Variants in GRM5 observed in about 807,000 individuals in gnomAD.
GRM5 encodes metabotropic glutamate receptor 5.
Under a neutral mutation model 83.1 loss-of-function variants are expected in GRM5, and 19 were observed. The observed-to-expected ratio is 0.23, with a 90% CI of 0.16 to 0.34. GRM5 has a LOEUF of 0.34. Ranked by LOEUF, GRM5 falls within the 10% of genes least tolerant of loss-of-function variation. GRM5 has a pLI of 1.00. For missense variants in GRM5, 1,160 were observed against 1,588.3 expected (o/e 0.73, Z 4.58); for synonymous variants, 675 against 633.6 (o/e 1.07, Z -0.98).
At chr11:88,594,683 T>C (rs1001196109) in intron 6 of GRM5, among the ~76,000 whole-genome samples, 2 of 152,222 alleles carry the variant, frequency 1.3e-5, no homozygotes, top group African/African-American at 2.4e-5. Context: ...TCTGGTCTTA[T>C]GCTTTCCAAA....
rs542822674 is a variant in GRM5 at position 88,772,718 on chromosome 11, C to T, written c.911+77188G>A. Among the ~76,000 whole-genome samples, 343 of 152,040 alleles carry T rather than the reference C, an allele frequency of 2.3e-3. 2 individuals carry two copies. The highest frequency in any genetic ancestry group is 7.9e-3 in the African/African-American group (327 of 41,476). On this transcript the variant is annotated intron_variant, in intron 3 of 9. Coordinates refer to ENST00000305447, the MANE Select transcript of GRM5 (RefSeq NM_001143831.3). ...TGCGGTGTTTGGTTTTCTGTCCGAG[C>T]GATAGTTTGCTGAGAATGATGGTTT... is the stretch of plus-strand genomic sequence containing the variant.
At chr11:88,511,150 C>T (rs1282368415) in intron 9 of GRM5, among the ~76,000 whole-genome samples, 1 of 152,202 alleles carries the variant, frequency 6.6e-6, no homozygotes, top group African/African-American at 2.4e-5. Flanking sequence ...CAAAGTAAAT[C>T]TGAAGCACTT....
intron 2 of GRM5, among the ~76,000 whole-genome samples, chr11:88,989,470 AG>A (rs1413482548): frequency 8.6e-6 from 1 of 116,212 alleles, no homozygotes; most frequent in African/African-American, 3.0e-5. Flanking sequence ...AAAGTCAACA[AG>A]GATACCCAGG....
intron 3 of GRM5, among the ~76,000 whole-genome samples, chr11:88,835,014 T>A (rs1219687163): frequency 6.6e-6 from 1 of 152,202 alleles, no homozygotes. Flanking sequence ...CTCTAAAATA[T>A]CTACAATGTG....
intron 3 of GRM5, among the ~76,000 whole-genome samples, chr11:88,710,502 C>T (rs1277239520): frequency 6.6e-6 from 1 of 152,044 alleles, no homozygotes; most frequent in Non-Finnish European, 1.5e-5. Context: ...AAGCAAGTCA[C>T]TTAAGTTACT....
In GRM5 at chr11:88,649,090, AAATATAT is replaced by A. The variant is rs1251509294; in HGVS notation, c.1147+4071_1147+4077del. Among the ~76,000 whole-genome samples, 3 of 144,638 alleles carry A rather than the reference AAATATAT, an allele frequency of 2.1e-5. No individual in the cohort carries two copies. In the East Asian group the frequency reaches 5.9e-4, roughly 29 times the overall value. The allele number at this position is 144,638 out of a possible 152,430, so 94.9% of individuals were successfully genotyped here. ...ATTATAATATATAATACATATATTA[AAATATAT>A]AATATATATTAAATATATATGTAAT... On this transcript the variant is annotated intron_variant, in intron 4 of 9. Coordinates refer to ENST00000305447, the MANE Select transcript of GRM5 (RefSeq NM_001143831.3).
At chr11:88,867,448 G>T (rs1043138641) in intron 2 of GRM5, among the ~76,000 whole-genome samples, 1 of 151,678 alleles carries the variant, frequency 6.6e-6, no homozygotes, top group Non-Finnish European at 1.5e-5. Context: ...TTCAGTTTTA[G>T]GATGTTTTAT....
intron 3 of GRM5, among the ~76,000 whole-genome samples, chr11:88,803,296 C>A (rs12276337): frequency 0.12 from 17,835 of 151,408 alleles, 2,192 homozygotes; most frequent in African/African-American, 0.32. Flanking sequence ...TACTACAAGG[C>A]TACAGTAACC....
intron 1 of GRM5, among the ~76,000 whole-genome samples, chr11:89,064,633 G>C (rs1476468191): frequency 6.6e-6 from 1 of 151,980 alleles, no homozygotes; most frequent in Non-Finnish European, 1.5e-5. Context: ...AAATGCAGAA[G>C]ATCCTCTACA....
chr11:88,629,486 G>A (rs963068159), intron 4 of GRM5, among the ~76,000 whole-genome samples: 15 of 152,134 alleles, frequency 9.9e-5, no homozygotes, highest in Non-Finnish European at 1.9e-4. Flanking sequence ...CCCCTCCAGA[G>A]GTAGAGGGTT....
Position 88,621,386 on chromosome 11 carries a change from C to T in GRM5, c.1148-16422G>A, listed in dbSNP as rs902763635. 5.3e-5 allele frequency among the ~76,000 whole-genome samples: 8 copies of T among 152,196 alleles called. No individual in the cohort carries two copies. In the East Asian group the frequency reaches 7.7e-4, roughly 15 times the overall value. On this transcript the variant is annotated intron_variant, in intron 4 of 9. Coordinates refer to ENST00000305447, the MANE Select transcript of GRM5 (RefSeq NM_001143831.3). ...AAAACACAATCTAGTGGTCACTCTA[C>T]GATGAATCCTTGATAGCCTTTCCCA...
At chr11:88,755,355 C>A (rs1442152518) in intron 3 of GRM5, among the ~76,000 whole-genome samples, 2 of 151,930 alleles carry the variant, frequency 1.3e-5, no homozygotes. Context: ...ATGAACTTGA[C>A]CAAATTAATT....
chr11:88,638,616 G>A (rs1939205367), intron 4 of GRM5, among the ~76,000 whole-genome samples: 2 of 151,984 alleles, frequency 1.3e-5, no homozygotes, highest in African/African-American at 4.8e-5. Flanking sequence ...ATCTGGGCCT[G>A]GAGTTTTCTT....
At chr11:88,560,793 C>T (rs1026362841) in intron 8 of GRM5, among the ~76,000 whole-genome samples, 1 of 152,144 alleles carries the variant, frequency 6.6e-6, no homozygotes, top group East Asian at 1.9e-4. Context: ...GAAAATGTTA[C>T]ATATGTACAC....
chr11:88,768,984 C>G (rs1452238242), intron 3 of GRM5, among the ~76,000 whole-genome samples: 1 of 151,980 alleles, frequency 6.6e-6, no homozygotes, highest in Non-Finnish European at 1.5e-5. Flanking sequence ...ATAGCCTCAC[C>G]AAGGAGTTGC....
intron 8 of GRM5, among the ~76,000 whole-genome samples, chr11:88,554,560 T>C (rs1294486240): frequency 2.0e-5 from 3 of 152,170 alleles, no homozygotes; most frequent in Non-Finnish European, 4.4e-5. Flanking sequence ...TAGCTTTTGT[T>C]TTTACAGCAA....
intron 3 of GRM5, among the ~76,000 whole-genome samples, chr11:88,672,998 TATC>T (rs1348622737): frequency 1.3e-5 from 2 of 151,940 alleles, no homozygotes; most frequent in Non-Finnish European, 2.9e-5. Context: ...GCACTGCAAA[TATC>T]ATGAACAAAG....
intron 4 of GRM5, among the ~76,000 whole-genome samples, chr11:88,641,393 A>G (rs1323394514): frequency 1.3e-5 from 2 of 151,940 alleles, no homozygotes; most frequent in African/African-American, 4.8e-5. Flanking sequence ...AAAATATATT[A>G]TGCTGCCCCT....
chr11:89,025,472 A>G lies in GRM5; in HGVS notation c.661+21740T>C, dbSNP rs551189486. Among the ~76,000 whole-genome samples the G allele has an allele frequency of 2.0e-5, 3 of 152,320 alleles. No individual in the cohort carries two copies. The South Asian group carries it at 6.2e-4, about 32-fold the overall frequency. ...ACTCTACACTCTTTAATTATAAAGGAGCATGCAATAATAGGAACTACGCAA... is the reference window on the plus strand; with the variant it reads ...ACTCTACACTCTTTAATTATAAAGGGGCATGCAATAATAGGAACTACGCAA... On this transcript the variant is annotated intron_variant, in intron 2 of 9. Coordinates refer to ENST00000305447, the MANE Select transcript of GRM5 (RefSeq NM_001143831.3).
Sources: allele counts gnomAD v4.1 joint callset (sites outside exome capture counted in the v4.1 genomes callset), GRCh38; gene constraint gnomAD v4.1.1; transcripts MANE v1.5; gene names NCBI Gene and HGNC (gene_info 2026-07-23, HGNC 2026-07-21).